The following OSBPL11 variants were observed in gnomAD, a reference collection of about 807,000 sequenced individuals.
OSBPL11 encodes oxysterol binding protein like 11.
OSBPL11 carries 33 observed loss-of-function variants against 84.4 expected under a neutral mutation model. That is an observed-to-expected ratio of 0.39 (90% confidence interval 0.30 to 0.52). OSBPL11 has a LOEUF of 0.52. Ranked by LOEUF, OSBPL11 falls within the 20% of genes least tolerant of loss-of-function variation. The pLI is 0.72. For synonymous variants in OSBPL11, 276 were observed against 310.2 expected (o/e 0.89, Z 1.16); for missense variants, 736 against 901.1 (o/e 0.82, Z 2.35).
intron 1 of OSBPL11, among the ~76,000 whole-genome samples, chr3:125,592,263 T>G (rs1241032634): frequency 6.6e-6 from 1 of 152,126 alleles, no homozygotes; most frequent in African/African-American, 2.4e-5. Context: ...AGTCTCAAAC[T>G]GCTGGGCTCA....
At chr3:125,543,430 C>A (rs1935764335) in intron 10 of OSBPL11, among the ~76,000 whole-genome samples, 1 of 151,930 alleles carries the variant, frequency 6.6e-6, no homozygotes, top group Admixed American at 6.6e-5. Flanking sequence ...CCGCGCCCAG[C>A]CTAGTAAGAT....
Position 125,531,931 on chromosome 3 carries a change from C to G in OSBPL11, c.2108G>C (p.Arg703Pro). ...ATEHKHTLEE[R>P]QRTEERHRTE... Reference sequence around the variant, plus strand: ...ACGATGCCTTTCTTCAGTCCTCTGACGTTCTTCCAGGGTATGCTTATGCTC... The same window carrying G: ...ACGATGCCTTTCTTCAGTCCTCTGAGGTTCTTCCAGGGTATGCTTATGCTC... Residue 703 changes from arginine (R) to proline (P), a missense_variant, in exon 12 of 13, where the codon CGT becomes CCT. Arg to Pro is a moderately radical substitution (Grantham distance 103). Around this residue, in one of 3 missense-constraint regions of OSBPL11, gnomAD observed 579 missense variants for 717.6 expected, o/e 0.81. Coordinates refer to ENST00000296220, the MANE Select transcript of OSBPL11 (RefSeq NM_022776.5). 1 of 1,614,078 alleles carries G rather than the reference C, an allele frequency of 6.2e-7. No individual in the cohort carries two copies. The highest frequency in any genetic ancestry group is 8.5e-7 in the Non-Finnish European group (1 of 1,180,008).
At chr3:125,532,075 C>A in intron 11 of OSBPL11, 61 bp from the exon 12 acceptor site, 1 of 1,463,996 alleles carries the variant, frequency 6.8e-7, no homozygotes, top group Non-Finnish European at 9.2e-7. Context: ...TAAATAGAAT[C>A]AATACCCTCA....
intron 11 of OSBPL11, among the ~76,000 whole-genome samples, chr3:125,537,097 T>G (rs560459928): frequency 2.0e-5 from 3 of 149,592 alleles, no homozygotes; most frequent in Non-Finnish European, 4.4e-5. Context: ...GAGGTGGAAG[T>G]TGCAGGGAGC....
At chr3:125,554,744 T>C (rs1276139676) in intron 8 of OSBPL11, among the ~76,000 whole-genome samples, 2 of 151,628 alleles carry the variant, frequency 1.3e-5, no homozygotes, top group Admixed American at 1.3e-4. Flanking sequence ...ATGACAATAA[T>C]TAAAAGTCAA....
intron 9 of OSBPL11, among the ~76,000 whole-genome samples, chr3:125,550,282 G>A (rs953834732): frequency 9.2e-5 from 14 of 151,916 alleles, no homozygotes; most frequent in African/African-American, 3.4e-4. Flanking sequence ...AGCTGGGGTG[G>A]GAGGATGGCC....
chr3:125,574,530 G>A (rs530490999), intron 5 of OSBPL11, among the ~76,000 whole-genome samples: 7 of 145,468 alleles, frequency 4.8e-5, no homozygotes, highest in Non-Finnish European at 7.5e-5. Context: ...GTGAAAGAAT[G>A]ACAGAAAGAA....
chr3:125,533,058 G>A (rs1264753580), intron 11 of OSBPL11, among the ~76,000 whole-genome samples: 2 of 152,002 alleles, frequency 1.3e-5, no homozygotes, highest in Admixed American at 1.3e-4. Context: ...ATGAACAAGA[G>A]AGATCTTACG....
rs559754992 is a variant in OSBPL11 at position 125,589,916 on chromosome 3, G to A, written c.164+4721C>T. Among the ~76,000 whole-genome samples, 4 of 152,274 alleles carry A rather than the reference G, an allele frequency of 2.6e-5. No homozygotes were observed. The South Asian group carries it at 8.3e-4, about 32-fold the overall frequency. ...TTATCTGTTAATATGATTAGCCAGT[G>A]AGGAGCTCAAAATTTTAAAAAAAAG... On this transcript the variant is annotated intron_variant, in intron 1 of 12. Coordinates refer to ENST00000296220, the MANE Select transcript of OSBPL11 (RefSeq NM_022776.5).
chr3:125,546,734 T>C (rs1935823879), intron 10 of OSBPL11, among the ~76,000 whole-genome samples: 2 of 151,800 alleles, frequency 1.3e-5, no homozygotes, highest in South Asian at 4.2e-4. Context: ...CAACTAAAAA[T>C]ACAAAAAGCA....
At chr3:125,576,919 G>A (rs896665905) in intron 4 of OSBPL11, among the ~76,000 whole-genome samples, 2 of 152,198 alleles carry the variant, frequency 1.3e-5, no homozygotes, top group African/African-American at 4.8e-5. Context: ...CCTGATCTCA[G>A]GTGATCTGCC....
intron 11 of OSBPL11, among the ~76,000 whole-genome samples, chr3:125,534,387 T>TA (rs60132491): frequency 7.8e-4 from 110 of 141,460 alleles, no homozygotes; most frequent in Middle Eastern, 3.5e-3. Context: ...TACTTTGTCT[T>TA]AAAAAAAAAA....
chr3:125,589,356 A>AC (rs925141850), intron 1 of OSBPL11, among the ~76,000 whole-genome samples: 1 of 151,676 alleles, frequency 6.6e-6, no homozygotes, highest in Non-Finnish European at 1.5e-5. Flanking sequence ...AAAAAAAAAA[A>AC]AAAACAAAAC....
rs1936037571 is a variant in OSBPL11, at chr3:125,559,144, A to G, written c.1155+1235T>C. Reference sequence around the variant, plus strand: ...CAGAGACCTATGTCCACATAGCTGCAAATATTTACTATCTGGCCCTTTACA... The same window carrying G: ...CAGAGACCTATGTCCACATAGCTGCGAATATTTACTATCTGGCCCTTTACA... On this transcript the variant is annotated intron_variant, in intron 8 of 12. Transcript: ENST00000296220. Among the ~76,000 whole-genome samples the G allele has an allele frequency of 2.0e-5, 3 of 152,228 alleles. No individual in the cohort carries two copies. In the South Asian group the frequency reaches 6.2e-4, roughly 31 times the overall value.
rs1465940068 is a variant in OSBPL11, at chr3:125,539,337, AT to A, written c.1842-705del. 6.4e-4 allele frequency among the ~76,000 whole-genome samples: 88 copies of A among 138,412 alleles called. 2 individuals are homozygous for A. The highest frequency in any genetic ancestry group is 1.1e-3 in the East Asian group (5 of 4,596). The allele number at this position is 138,412 out of a possible 152,430, so 90.8% of individuals were successfully genotyped here. On this transcript the variant is annotated intron_variant, in intron 10 of 12. Coordinates refer to ENST00000296220, the MANE Select transcript of OSBPL11 (RefSeq NM_022776.5). The stretch of plus-strand genomic sequence containing the variant: ...TATATATATATATATATATATATAT[AT>A]ATATATAATAGCTATATATATGGCT...
chr3:125,588,406 A>G (rs1936547872), intron 1 of OSBPL11, among the ~76,000 whole-genome samples: 1 of 152,142 alleles, frequency 6.6e-6, no homozygotes. Flanking sequence ...CTTGTAGACA[A>G]CTGAGCTATG....
rs561319821 is a variant in OSBPL11, at chr3:125,577,517, C to T, written c.490-1152G>A. ...TTTTTTAAAGGACAATAACAAGTGT[C>T]GGCAAGGATGTACAGAAATTAGAAC... On this transcript the variant is annotated intron_variant, in intron 4 of 12. Transcript: ENST00000296220. Among the ~76,000 whole-genome samples, 6 of 152,148 alleles carry T rather than the reference C, an allele frequency of 3.9e-5. No individual in the cohort carries two copies. In the East Asian group the frequency reaches 7.7e-4, roughly 20 times the overall value.
rs534821596 is a variant in OSBPL11, at chr3:125,567,903, A to G, written c.667-308T>C. Among the ~76,000 whole-genome samples, 274 of 151,050 alleles carry G rather than the reference A, an allele frequency of 1.8e-3. 1 individual carries two copies. Among genetic ancestry groups the G allele is most frequent in the African/African-American group, 5.9e-3 (241 of 41,156 alleles). ...CAGCTACTTGGGAGGCTCAAGTGTGAGGATCACTTGAGCCCAGGAGGTTGA... is the reference window on the plus strand; with the variant it reads ...CAGCTACTTGGGAGGCTCAAGTGTGGGGATCACTTGAGCCCAGGAGGTTGA... On this transcript the variant is annotated intron_variant, in intron 5 of 12. Coordinates refer to ENST00000296220, the MANE Select transcript of OSBPL11 (RefSeq NM_022776.5).
At chr3:125,585,867 C>A (rs928633307) in intron 1 of OSBPL11, among the ~76,000 whole-genome samples, 5 of 152,216 alleles carry the variant, frequency 3.3e-5, no homozygotes, top group Non-Finnish European at 7.3e-5. Flanking sequence ...TTCACACTTT[C>A]TTTTCTTCTA....
Sources: gnomAD v4.1 joint callset for allele counts (sites outside exome capture counted in the v4.1 genomes callset) on GRCh38, gnomAD v4.1.1 for gene constraint, gnomAD v4.1.1 regional missense constraint, MANE v1.5 for transcripts, NCBI Gene and HGNC (gene_info 2026-07-23, HGNC 2026-07-21) for gene names.